NXPH1: variants seen among roughly 807,000 people sequenced by gnomAD.
The protein encoded by NXPH1 is neurexophilin-1.
In NXPH1, 5 loss-of-function variants were observed where a neutral mutation model predicts 23.7. The ratio of observed to expected loss-of-function variants is 0.21; its 90% CI spans 0.11 to 0.44. The LOEUF (loss-of-function observed/expected upper bound fraction) is 0.44, where lower values mean the gene tolerates loss of function less well. Ranked by LOEUF, NXPH1 falls within the 20% of genes least tolerant of loss-of-function variation. NXPH1 has a pLI of 0.99. For missense variants in NXPH1, 324 were observed against 321.6 expected, an observed-to-expected ratio of 1.01 and a Z score of -0.06; for synonymous variants, 144 against 122.2, an observed-to-expected ratio of 1.18 and a Z score of -1.18.
chr7:8,556,462 G>C (rs1031999929), intron 2 of NXPH1, among the ~76,000 whole-genome samples: 1 of 151,604 alleles, frequency 6.6e-6, no homozygotes, highest in African/African-American at 2.4e-5. Flanking sequence ...GTTGGCTGGG[G>C]GCTTTGATTT....
intron 2 of NXPH1, among the ~76,000 whole-genome samples, chr7:8,693,467 C>T (rs2115184904): frequency 6.6e-6 from 1 of 152,272 alleles, no homozygotes; most frequent in Non-Finnish European, 1.5e-5. Context: ...AATGAGATGG[C>T]TGTATTTGAC....
At chr7:8,730,511 C>T (rs907401106) in intron 2 of NXPH1, among the ~76,000 whole-genome samples, 1 of 151,998 alleles carries the variant, frequency 6.6e-6, no homozygotes, top group Non-Finnish European at 1.5e-5. Flanking sequence ...GCACTTCCTT[C>T]AGGAGCTCTT....
intron 2 of NXPH1, among the ~76,000 whole-genome samples, chr7:8,512,706 A>G (rs1817630685): frequency 1.3e-5 from 2 of 152,168 alleles, no homozygotes; most frequent in South Asian, 4.1e-4. Context: ...ATTTCTTACT[A>G]ACGGTAACAA....
chr7:8,660,507 A>C (rs1316420479), intron 2 of NXPH1, among the ~76,000 whole-genome samples: 9 of 152,244 alleles, frequency 5.9e-5, no homozygotes, highest in Non-Finnish European at 1.3e-4. Flanking sequence ...TATGAATTTT[A>C]AAGATTGCAA....
At chr7:8,590,057 G>A (rs1457653063) in intron 2 of NXPH1, among the ~76,000 whole-genome samples, 3 of 152,096 alleles carry the variant, frequency 2.0e-5, no homozygotes, top group Non-Finnish European at 4.4e-5. Context: ...CTATGACAGT[G>A]AGCCTGAAGT....
chr7:8,673,064 C>G (rs1288734440), intron 2 of NXPH1, among the ~76,000 whole-genome samples: 2 of 152,152 alleles, frequency 1.3e-5, no homozygotes, highest in Admixed American at 1.3e-4. Context: ...TTGAAAACAT[C>G]TTAGCAGGGT....
chr7:8,621,993 A>C (rs755540726), intron 2 of NXPH1, among the ~76,000 whole-genome samples: 1 of 152,178 alleles, frequency 6.6e-6, no homozygotes, highest in Non-Finnish European at 1.5e-5. Context: ...TGCACATGTC[A>C]TGTAAGTTTA....
intron 2 of NXPH1, among the ~76,000 whole-genome samples, chr7:8,469,249 T>TA (rs199997769): frequency 0.016 from 2,438 of 152,194 alleles, 63 homozygotes; most frequent in African/African-American, 0.053. Context: ...TGGACTATTT[T>TA]AGACTTTCAC....
intron 2 of NXPH1, among the ~76,000 whole-genome samples, chr7:8,671,701 C>A (rs577324449): frequency 6.6e-6 from 1 of 152,154 alleles, no homozygotes; most frequent in Non-Finnish European, 1.5e-5. Context: ...AAAATTGGGT[C>A]TGGCACTGGT....
At chr7:8,509,433 A>C (rs1465933053) in intron 2 of NXPH1, among the ~76,000 whole-genome samples, 1 of 152,152 alleles carries the variant, frequency 6.6e-6, no homozygotes, top group Non-Finnish European at 1.5e-5. Flanking sequence ...GTAACGACAT[A>C]TGTGGAACAT....
chr7:8,751,275 C>A lies in NXPH1; in HGVS notation c.322C>A (p.Pro108Thr). ...QEPRPRAKRR[P>T]IVKTGKFKKM... Reference sequence around the variant, plus strand: ...GCCTCGGCCCAGGGCCAAGAGAAGGCCCATTGTTAAAACGGGCAAGTTTAA... The same window carrying A: ...GCCTCGGCCCAGGGCCAAGAGAAGGACCATTGTTAAAACGGGCAAGTTTAA... The change falls in exon 3 of 3, where the codon CCC (proline) becomes ACC (threonine). Residue 108 changes from proline to threonine, a missense_variant. By Grantham distance (38) the Pro-to-Thr change is conservative (BLOSUM62 -1). Coordinates refer to ENST00000405863, the MANE Select transcript of NXPH1 (RefSeq NM_152745.3). The surrounding 1 kb of genome is among the most constrained non-coding windows in gnomAD (Gnocchi z 4.5). 1.2e-6 allele frequency: 2 copies of A among 1,613,904 alleles called. No individual in the cohort carries two copies. Among genetic ancestry groups the A allele is most frequent in the Non-Finnish European group, 1.7e-6 (2 of 1,179,838 alleles).
At chr7:8,606,371 C>T (rs550789249) in intron 2 of NXPH1, among the ~76,000 whole-genome samples, 34 of 152,226 alleles carry the variant, frequency 2.2e-4, no homozygotes, top group African/African-American at 6.7e-4. Context: ...AAGAAACCTA[C>T]GTTACTTGTT....
intron 2 of NXPH1, among the ~76,000 whole-genome samples, chr7:8,621,255 G>A (rs896335982): frequency 6.6e-6 from 1 of 152,112 alleles, no homozygotes; most frequent in African/African-American, 2.4e-5. Flanking sequence ...TAGGATTTGG[G>A]CAGGTGACCA....
intron 2 of NXPH1, among the ~76,000 whole-genome samples, chr7:8,703,513 TTTGG>T (rs1779658907): frequency 1.3e-5 from 2 of 151,722 alleles, no homozygotes; most frequent in Admixed American, 1.3e-4. Context: ...CTGGGGTTGG[TTTGG>T]TTATGTATTT....
intron 2 of NXPH1, among the ~76,000 whole-genome samples, chr7:8,539,829 G>A (rs1818085268): frequency 6.6e-6 from 1 of 151,722 alleles, no homozygotes; most frequent in African/African-American, 2.4e-5. Flanking sequence ...CTTACATTGA[G>A]TGCAGGAATT....
At chr7:8,700,983 C>A (rs1471590210) in intron 2 of NXPH1, among the ~76,000 whole-genome samples, 1 of 152,020 alleles carries the variant, frequency 6.6e-6, no homozygotes, top group East Asian at 1.9e-4. Context: ...ATTTCTTTGT[C>A]TATAAATAAT....
At chr7:8,515,623 C>T (rs567664167) in intron 2 of NXPH1, among the ~76,000 whole-genome samples, 169 of 152,220 alleles carry the variant, frequency 1.1e-3, no homozygotes, top group Non-Finnish European at 1.8e-3. Context: ...AATAACACAA[C>T]TCATGAATTC....
At position 8,452,513 on chromosome 7, in the gene NXPH1, T is replaced by A. The variant is rs184710286; in HGVS notation, c.54+16746T>A. The stretch of plus-strand genomic sequence containing the variant: ...TTTTTCATCATGTTTTACAGCTCTC[T>A]TTGTAAGGAGATGTAAAGGCCTTGG... On this transcript the variant is annotated intron_variant, in intron 2 of 2. Coordinates refer to ENST00000405863, the MANE Select transcript of NXPH1 (RefSeq NM_152745.3). Among the ~76,000 whole-genome samples the A allele has an allele frequency of 9.3e-4, 141 of 152,258 alleles. 3 individuals carry two copies. The highest frequency in any genetic ancestry group is 8.0e-3 in the Admixed American group (122 of 15,292).
At chr7:8,522,720 C>T (rs952545511) in intron 2 of NXPH1, among the ~76,000 whole-genome samples, 2 of 152,162 alleles carry the variant, frequency 1.3e-5, no homozygotes, top group Admixed American at 6.5e-5. Context: ...GTCTGGTTCC[C>T]TCAGCCTATA....
Sources: allele counts gnomAD v4.1 joint callset (sites outside exome capture counted in the v4.1 genomes callset), GRCh38; gene constraint gnomAD v4.1.1; non-coding constraint Gnocchi (gnomAD v3.1); transcripts MANE v1.5; gene names NCBI Gene and HGNC (gene_info 2026-07-23, HGNC 2026-07-21).